The following IL1RAPL2 variants were observed in gnomAD, a reference collection of about 807,000 sequenced individuals.
The protein encoded by IL1RAPL2 is interleukin 1 receptor accessory protein like 2.
IL1RAPL2 carries 3 observed loss-of-function variants against 44.1 expected under a neutral mutation model. That is an observed-to-expected ratio of 0.07 (90% CI 0.03 to 0.18). IL1RAPL2 has a LOEUF of 0.18. IL1RAPL2 is among the 10% of genes least tolerant of loss of function. The probability of loss-of-function intolerance (pLI) is 1.00; values close to 1 mark genes in which losing one functional copy is unlikely to be tolerated. For missense variants in IL1RAPL2, 391 were observed against 496.4 expected (o/e 0.79, Z 2.02); for synonymous variants, 181 against 178.8 (o/e 1.01, Z -0.10).
chrX:105,175,760 G>T (rs2033466753), intron 2 of IL1RAPL2, among the ~76,000 whole-genome samples: 1 of 110,533 alleles, frequency 9.0e-6, no homozygotes, highest in Non-Finnish European at 1.9e-5. Flanking sequence ...AGATGAAAGG[G>T]TAATATCAGG....
chrX:104,820,626 A>G (rs1921276230), intron 2 of IL1RAPL2, among the ~76,000 whole-genome samples: 1 of 111,763 alleles, frequency 8.9e-6, no homozygotes, highest in Non-Finnish European at 1.9e-5. Context: ...TCTGATTTTC[A>G]TAGCAGTTGC....
At chrX:104,720,365 AT>A (rs1288561293) in intron 2 of IL1RAPL2, among the ~76,000 whole-genome samples, 2 of 111,949 alleles carry the variant, frequency 1.8e-5, no homozygotes, top group Non-Finnish European at 3.8e-5. Flanking sequence ...TACTGAAGGA[AT>A]ATCATTAAAA....
At chrX:105,372,372 G>A (rs750935078) in intron 5 of IL1RAPL2, among the ~76,000 whole-genome samples, 2 of 108,341 alleles carry the variant, frequency 1.8e-5, no homozygotes, top group Admixed American at 2.0e-4. Flanking sequence ...GGAGGCGGAG[G>A]TTGCAGTGAG....
At position 105,570,389 on chromosome X, in the gene IL1RAPL2, A is replaced by T. The variant is rs1476639543; in HGVS notation, c.772+86002A>T. 2.4e-4 allele frequency among the ~76,000 whole-genome samples: 27 copies of T among 112,076 alleles called. 1 individual carries two copies. Among genetic ancestry groups the T allele is most frequent in the Non-Finnish European group, 2.1e-4 (11 of 53,149 alleles). On this transcript the variant is annotated intron_variant, in intron 6 of 10. Transcript: ENST00000372582. ...TTGGTCCATATTTTTACATTTGTGA[A>T]TTGTGCTGCTATAAATACGTATGTG... is the stretch of plus-strand genomic sequence containing the variant.
intron 10 of IL1RAPL2, among the ~76,000 whole-genome samples, chrX:105,763,164 G>A (rs961341168): frequency 3.6e-4 from 40 of 111,593 alleles, no homozygotes; most frequent in African/African-American, 1.2e-3. Context: ...TTTAGGTTTC[G>A]TAGATTATAT....
intron 2 of IL1RAPL2, among the ~76,000 whole-genome samples, chrX:104,912,273 C>T (rs1924266363): frequency 9.1e-6 from 1 of 109,802 alleles, no homozygotes; most frequent in South Asian, 3.9e-4. Flanking sequence ...TTCCTTAAGT[C>T]ACAGATGAGA....
At chrX:105,581,700 T>C (rs994948950) in intron 6 of IL1RAPL2, among the ~76,000 whole-genome samples, 1 of 111,488 alleles carries the variant, frequency 9.0e-6, no homozygotes, top group African/African-American at 3.3e-5. Flanking sequence ...ATGAATATTA[T>C]GATAATAATG....
intron 6 of IL1RAPL2, among the ~76,000 whole-genome samples, chrX:105,503,937 A>G (rs5962539): frequency 0.22 from 23,996 of 110,434 alleles, 6,421 homozygotes; most frequent in African/African-American, 0.75. Flanking sequence ...TATAGGGCTC[A>G]CCCTAATCCA....
intron 4 of IL1RAPL2, among the ~76,000 whole-genome samples, chrX:105,257,885 T>G (rs1271270249): frequency 8.9e-6 from 1 of 111,833 alleles, no homozygotes; most frequent in East Asian, 2.8e-4. Context: ...TTTATCCAGC[T>G]TGCCACTCTG....
intron 1 of IL1RAPL2, among the ~76,000 whole-genome samples, chrX:104,567,368 T>C (rs1171907998): frequency 8.9e-6 from 1 of 112,746 alleles, no homozygotes; most frequent in Admixed American, 9.3e-5. Flanking sequence ...GCGCGGGCTC[T>C]GCAGCCTGGA....
chrX:105,195,868 C>G, intron 3 of IL1RAPL2, 120 bp downstream of exon 3: 1 of 647,954 alleles, frequency 1.5e-6, no homozygotes, highest in South Asian at 2.8e-5. Flanking sequence ...GGTTGCAGTA[C>G]ATGTGGAGCT....
intron 2 of IL1RAPL2, among the ~76,000 whole-genome samples, chrX:104,991,517 C>T (rs1220637596): frequency 8.9e-6 from 1 of 111,750 alleles, no homozygotes; most frequent in Non-Finnish European, 1.9e-5. Flanking sequence ...GGAGGGCTGT[C>T]CAGAGGGGCA....
At chrX:104,645,549 C>T (rs1380016633) in intron 1 of IL1RAPL2, among the ~76,000 whole-genome samples, 1 of 112,240 alleles carries the variant, frequency 8.9e-6, no homozygotes, top group Non-Finnish European at 1.9e-5. Flanking sequence ...TTAGAAGTCA[C>T]TTTCTCCAGA....
intron 2 of IL1RAPL2, among the ~76,000 whole-genome samples, chrX:104,862,152 C>A (rs1922510915): frequency 9.0e-6 from 1 of 111,000 alleles, no homozygotes; most frequent in African/African-American, 3.3e-5. Context: ...TAAAAGATGT[C>A]CCTGAAAAGG....
chrX:104,742,002 T>C (rs1180684335), intron 2 of IL1RAPL2, among the ~76,000 whole-genome samples: 1 of 111,244 alleles, frequency 9.0e-6, no homozygotes, highest in African/African-American at 3.3e-5. Context: ...ATTCTTTCTA[T>C]GACTAAATAC....
chrX:105,420,269 A>C (rs1422666533), intron 5 of IL1RAPL2, among the ~76,000 whole-genome samples: 1 of 112,091 alleles, frequency 8.9e-6, no homozygotes, highest in African/African-American at 3.2e-5. Flanking sequence ...CTGTCACCAC[A>C]ACAAGTCTAT....
At chrX:104,657,168 C>T (rs1359055835) in intron 1 of IL1RAPL2, among the ~76,000 whole-genome samples, 1 of 111,096 alleles carries the variant, frequency 9.0e-6, no homozygotes, top group African/African-American at 3.3e-5. Context: ...AGCATTTAGT[C>T]CATTTACATT....
intron 10 of IL1RAPL2, among the ~76,000 whole-genome samples, chrX:105,759,191 C>A (rs972022817): frequency 2.7e-5 from 3 of 112,206 alleles, no homozygotes; most frequent in Non-Finnish European, 5.6e-5. Context: ...GGTCACTGGT[C>A]AGATGGAGAA....
chrX:104,657,118 G>A (rs1186764089), intron 1 of IL1RAPL2, among the ~76,000 whole-genome samples: 1 of 111,133 alleles, frequency 9.0e-6, no homozygotes, highest in Non-Finnish European at 1.9e-5. Flanking sequence ...GATTGGTCTT[G>A]ACTCTTTATC....
Sources: gnomAD v4.1 joint callset for allele counts (sites outside exome capture counted in the v4.1 genomes callset) on GRCh38, gnomAD v4.1.1 for gene constraint, MANE v1.5 for transcripts, NCBI Gene and HGNC (gene_info 2026-07-23, HGNC 2026-07-21) for gene names.